Variants in ROS1 observed in about 807,000 individuals in gnomAD.
The protein encoded by ROS1 is proto-oncogene tyrosine-protein kinase ROS.
Under a neutral mutation model 273.5 loss-of-function variants are expected in ROS1, and 263 were observed. That is an observed-to-expected ratio of 0.96 (90% CI 0.87 to 1.06). The LOEUF (loss-of-function observed/expected upper bound fraction) is 1.06, where lower values mean the gene tolerates loss of function less well. Ranked by LOEUF, ROS1 falls within the 50% of genes least tolerant of loss-of-function variation. ROS1 has a pLI of 0.00. For missense variants in ROS1, 2,833 were observed against 2,751.1 expected (o/e 1.03, Z -0.67); for synonymous variants, 1,008 against 954.1 (o/e 1.06, Z -1.04).
intron 18 of ROS1, among the ~76,000 whole-genome samples, chr6:117,373,302 C>T (rs1780990639): frequency 6.6e-6 from 1 of 152,262 alleles, no homozygotes; most frequent in African/African-American, 2.4e-5. Context: ...CTCCTCAGCC[C>T]TTGGGCGGTC....
intron 1 of ROS1, among the ~76,000 whole-genome samples, chr6:117,418,947 C>G (rs774334693): frequency 3.4e-4 from 52 of 152,092 alleles, no homozygotes; most frequent in Non-Finnish European, 6.0e-4. Context: ...ATTTTAAGAA[C>G]TTTTTTATAC....
At chr6:117,345,578 T>A (rs970020992) in intron 27 of ROS1, among the ~76,000 whole-genome samples, 1 of 152,178 alleles carries the variant, frequency 6.6e-6, no homozygotes, top group Admixed American at 6.5e-5. Flanking sequence ...CCTTATGAAT[T>A]CATATTAGCC....
intron 5 of ROS1, among the ~76,000 whole-genome samples, chr6:117,408,266 C>G (rs9489149): frequency 0.54 from 80,968 of 151,154 alleles, 22,375 homozygotes; most frequent in South Asian, 0.68. Context: ...TACCATCAGA[C>G]TGAACAGGCA....
intron 16 of ROS1, 69 bp downstream of exon 16, chr6:117,385,614 T>A: frequency 7.4e-7 from 1 of 1,348,094 alleles, no homozygotes; most frequent in African/African-American, 1.5e-5. Flanking sequence ...AAAAAAGAAA[T>A]TGGTGTGCAA....
At chr6:117,363,382 C>T (rs1444039274) in intron 21 of ROS1, among the ~76,000 whole-genome samples, 1 of 152,106 alleles carries the variant, frequency 6.6e-6, no homozygotes, top group East Asian at 1.9e-4. Context: ...GATCGTACCC[C>T]AAGAGTAAGG....
intron 1 of ROS1, among the ~76,000 whole-genome samples, chr6:117,425,278 T>C (rs1428291138): frequency 6.6e-6 from 1 of 152,196 alleles, no homozygotes; most frequent in Non-Finnish European, 1.5e-5. Flanking sequence ...TGATTCCATT[T>C]AAACCTCCTT....
intron 35 of ROS1, among the ~76,000 whole-genome samples, chr6:117,323,437 C>T (rs1776421501): frequency 6.6e-6 from 1 of 152,102 alleles, no homozygotes. Flanking sequence ...CAAGCCACAA[C>T]TTTCTTAATA....
chr6:117,351,902 T>C (rs1158716515), intron 27 of ROS1, among the ~76,000 whole-genome samples: 2 of 152,242 alleles, frequency 1.3e-5, no homozygotes, highest in African/African-American at 4.8e-5. Context: ...GTAGGCTTTA[T>C]TTATAAATTT....
At chr6:117,341,356 C>A in intron 30 of ROS1, 44 bp downstream of exon 30, 1 of 1,611,864 alleles carries the variant, frequency 6.2e-7, no homozygotes, top group East Asian at 2.2e-5. Flanking sequence ...GAGAGCCTTG[C>A]ACTTGAGAAT....
chr6:117,356,640 G>C lies in ROS1; in HGVS notation c.4115C>G (p.Pro1372Arg), dbSNP rs781424868. The C allele has an allele frequency of 4.3e-6, 7 of 1,612,406 alleles. No individual in the cohort carries two copies. The highest frequency in any genetic ancestry group is 1.3e-5 in the African/African-American group (1 of 74,904). The change falls in exon 26 of 44, where the codon CCT becomes CGT. Residue 1372 changes from proline (P) to arginine (R), a missense_variant. Physicochemically the swap from Pro to Arg is moderately radical, Grantham distance 103. Coordinates refer to ENST00000368507, the MANE Select transcript of ROS1 (RefSeq NM_001378902.1). ...GCQCWRVITV[P>R]AMLGKTLVSL... is the part of the protein sequence containing the mutation. ...CATCAGCATCTTACCGAGCATAGCA[G>C]GTACTGTGATAACTCTCCAACACTG...
chr6:117,377,579 A>T (rs1438603153), intron 18 of ROS1, among the ~76,000 whole-genome samples: 1 of 152,240 alleles, frequency 6.6e-6, no homozygotes, highest in African/African-American at 2.4e-5. Flanking sequence ...TTATAGATCT[A>T]ATCATGAAAG....
At chr6:117,300,015 C>T (rs540935191) in intron 43 of ROS1, among the ~76,000 whole-genome samples, 11 of 142,278 alleles carry the variant, frequency 7.7e-5, no homozygotes, top group African/African-American at 2.6e-4. Flanking sequence ...CTCCACCTCC[C>T]GGGTTCATGC....
chr6:117,350,125 A>G (rs1778703353), intron 27 of ROS1, among the ~76,000 whole-genome samples: 1 of 150,990 alleles, frequency 6.6e-6, no homozygotes, highest in South Asian at 2.1e-4. Context: ...GATCTATATC[A>G]TTTTTCTTCT....
Position 117,389,735 on chromosome 6 carries a change from A to T in ROS1, c.1401T>A (p.Phe467Leu). 6.2e-7 allele frequency: 1 copy of T among 1,614,166 alleles called. No homozygotes were observed. The highest frequency in any genetic ancestry group is 8.5e-7 in the Non-Finnish European group (1 of 1,180,034). The change falls in exon 13 of 44, where the codon TTT (phenylalanine) becomes TTA (leucine). Residue 467 changes from phenylalanine to leucine, a missense_variant. Transcript: ENST00000368507. ...TTCGCTTGGCTTGTGGCTTGATTGC[A>T]AAGTCCTTTAACGTGCAACTCTCCA... ...RIVESCTLKD[F>L]AIKPQAKRII...
chr6:117,328,529 C>G lies in ROS1; in HGVS notation c.5348+800G>C, dbSNP rs541496707. 3 of 394,184 alleles carry G rather than the reference C, an allele frequency of 7.6e-6. No homozygotes were observed. In the South Asian group the frequency reaches 8.3e-5, roughly 11 times the overall value. 24.4% of individuals were successfully genotyped at this position (394,184 alleles called of 1,614,324 possible). A position where few individuals can be genotyped will look rare whatever the true frequency, so the allele number is the denominator to read the frequency against. On this transcript the variant is annotated intron_variant, in intron 33 of 43. Coordinates refer to ENST00000368507, the MANE Select transcript of ROS1 (RefSeq NM_001378902.1). ...GGGAATTCTCTAGTATGAACAGGAA[C>G]ATTTTTTAAGGTTATGGGAATGCCA...
At chr6:117,396,049 C>T (rs1773458563) in intron 9 of ROS1, 139 bp downstream of exon 9, 6 of 478,212 alleles carry the variant, frequency 1.3e-5, no homozygotes, top group Admixed American at 6.8e-5. Context: ...GAAAACTTAA[C>T]AAGTACCCAA....
At chr6:117,331,402 C>T (rs1045516936) in intron 32 of ROS1, among the ~76,000 whole-genome samples, 3 of 152,064 alleles carry the variant, frequency 2.0e-5, no homozygotes, top group East Asian at 3.9e-4. Context: ...AATGGAAACA[C>T]GTGGGAAAAC....
intron 27 of ROS1, among the ~76,000 whole-genome samples, chr6:117,346,967 T>C (rs1337162627): frequency 6.6e-6 from 1 of 152,180 alleles, no homozygotes; most frequent in Non-Finnish European, 1.5e-5. Context: ...TTTTTTACTT[T>C]CCCAGAATGT....
intron 32 of ROS1, among the ~76,000 whole-genome samples, chr6:117,334,992 G>C (rs1777363791): frequency 6.6e-6 from 1 of 152,082 alleles, no homozygotes; most frequent in Non-Finnish European, 1.5e-5. Flanking sequence ...TAGACAAATG[G>C]GATCTAACTA....
Sources: allele counts gnomAD v4.1 joint callset (sites outside exome capture counted in the v4.1 genomes callset), GRCh38; gene constraint gnomAD v4.1.1; transcripts MANE v1.5; gene names NCBI Gene and HGNC (gene_info 2026-07-23, HGNC 2026-07-21).